Variants in CRB1 observed in about 807,000 individuals in gnomAD.
CRB1 encodes the protein crumbs cell polarity complex component 1, also known as protein crumbs homolog 1.
Under a neutral mutation model 120.0 loss-of-function variants are expected in CRB1, and 83 were observed. The observed-to-expected ratio is 0.69, with a 90% CI of 0.58 to 0.83. The LOEUF is 0.83. CRB1 is among the 40% of genes least tolerant of loss of function. The pLI is 0.00. For missense variants in CRB1, 1,699 were observed against 1,687.6 expected (o/e 1.01, Z -0.12); for synonymous variants, 625 against 612.5 (o/e 1.02, Z -0.30).
At chr1:197,333,046 C>T (rs181387117) in intron 2 of CRB1, among the ~76,000 whole-genome samples, 6 of 152,334 alleles carry the variant, frequency 3.9e-5, no homozygotes, top group Admixed American at 1.3e-4. Context: ...GACCTAGCTG[C>T]TGTGCACCAC....
chr1:197,437,281 CCTT>C (rs1665209337), intron 9 of CRB1, among the ~76,000 whole-genome samples: 1 of 152,076 alleles, frequency 6.6e-6, no homozygotes, highest in Non-Finnish European at 1.5e-5. Flanking sequence ...GTACATCTCT[CCTT>C]AACAGTTACT....
At chr1:197,426,724 G>A (rs1240797196) in intron 6 of CRB1, among the ~76,000 whole-genome samples, 2 of 151,996 alleles carry the variant, frequency 1.3e-5, no homozygotes, top group East Asian at 3.9e-4. Flanking sequence ...CTCCCAACCA[G>A]GACCACAGAA....
chr1:197,397,252 T>C (rs989321356), intron 5 of CRB1, among the ~76,000 whole-genome samples: 1 of 152,108 alleles, frequency 6.6e-6, no homozygotes, highest in Non-Finnish European at 1.5e-5. Flanking sequence ...TTTATATACA[T>C]GTATTAGTGT....
chr1:197,438,525 G>A (rs947149681), intron 9 of CRB1, 22 bp from the exon 10 acceptor site: 1 of 1,610,960 alleles, frequency 6.2e-7, no homozygotes, highest in African/African-American at 1.3e-5. Context: ...AACAGCTGTG[G>A]CTCTTGCTTT....
At chr1:197,246,682 G>A in the CRB1 span, among the ~76,000 whole-genome samples, 5 of 151,968 alleles carry the variant, frequency 3.3e-5, no homozygotes, top group African/African-American at 1.2e-4. Context: ...ATCAAAGGAA[G>A]AATACAATTT....
chr1:197,290,265 CGTGTGTGTGTGTGTGT>C (rs10540136), intron 1 of CRB1, among the ~76,000 whole-genome samples: 1 of 136,898 alleles, frequency 7.3e-6, no homozygotes, highest in African/African-American at 2.8e-5. Context: ...TGTTCCCTTT[CGTGTGTGTGTGTGTGT>C]GTGTGTGTGT....
intron 1 of CRB1, among the ~76,000 whole-genome samples, chr1:197,287,100 G>C (rs1365663445): frequency 6.6e-6 from 1 of 151,760 alleles, no homozygotes; most frequent in East Asian, 1.9e-4. Context: ...CACAGGAGAG[G>C]TAAAATGAGT....
intron 1 of CRB1, among the ~76,000 whole-genome samples, chr1:197,279,283 C>T (rs1301461874): frequency 6.6e-6 from 1 of 151,674 alleles, no homozygotes; most frequent in Non-Finnish European, 1.5e-5. Context: ...TATATCAATG[C>T]CTGAAAATTA....
the CRB1 span, among the ~76,000 whole-genome samples, chr1:197,227,390 T>C: frequency 6.7e-6 from 1 of 149,546 alleles, no homozygotes; most frequent in East Asian, 1.9e-4. Flanking sequence ...TTTTTTTCTT[T>C]TTCTTTTTTT....
At chr1:197,251,208 G>T in the CRB1 span, among the ~76,000 whole-genome samples, 3 of 151,848 alleles carry the variant, frequency 2.0e-5, no homozygotes, top group African/African-American at 7.2e-5. Flanking sequence ...TCTGTATTTT[G>T]GTTTCCTTAC....
chr1:197,384,787 C>T (rs116651820), intron 5 of CRB1, among the ~76,000 whole-genome samples: 2,296 of 152,202 alleles, frequency 0.015, 69 homozygotes, highest in African/African-American at 0.053. Context: ...TGAATGACCA[C>T]ATTTGCATAT....
At chr1:197,220,922 G>A in the CRB1 span, among the ~76,000 whole-genome samples, 15 of 152,162 alleles carry the variant, frequency 9.9e-5, no homozygotes, top group African/African-American at 3.6e-4. Context: ...CTGTGGAACT[G>A]TGAGTCAATT....
upstream of CRB1, among the ~76,000 whole-genome samples, chr1:197,264,640 G>T (rs1654591909): frequency 7.4e-6 from 1 of 134,424 alleles, no homozygotes; most frequent in South Asian, 2.4e-4. Flanking sequence ...TTGAGACAAA[G>T]TCTCACTCTG....
the CRB1 span, among the ~76,000 whole-genome samples, chr1:197,217,258 A>G: frequency 2.6e-5 from 4 of 152,136 alleles, no homozygotes; most frequent in African/African-American, 7.2e-5. Flanking sequence ...TGATGCACCT[A>G]TTTTGGAAAA....
Position 197,369,357 on chromosome 1 carries a change from C to T in CRB1, c.1171+12344C>T, listed in dbSNP as rs191780928. ...GAAACACCCCTCTCCTCCTGCATCCCCTCCCCAACCACCATGACACGCACA... is the reference window on the plus strand; with the variant it reads ...GAAACACCCCTCTCCTCCTGCATCCTCTCCCCAACCACCATGACACGCACA... On this transcript the variant is annotated intron_variant, in intron 5 of 11. Coordinates refer to ENST00000367400, the MANE Select transcript of CRB1 (RefSeq NM_201253.3). Among the ~76,000 whole-genome samples, 275 of 152,148 alleles carry T rather than the reference C, an allele frequency of 1.8e-3. 3 individuals carry two copies. In the East Asian group the frequency reaches 0.02, roughly 11 times the overall value.
intron 5 of CRB1, among the ~76,000 whole-genome samples, chr1:197,400,595 C>T (rs2125431880): frequency 6.6e-6 from 1 of 152,134 alleles, no homozygotes; most frequent in African/African-American, 2.4e-5. Flanking sequence ...ACCTATCCTG[C>T]TTCTTCCTTC....
At chr1:197,328,367 T>A (rs1658640473) in intron 1 of CRB1, 55 bp from the exon 2 acceptor site, 4 of 1,425,132 alleles carry the variant, frequency 2.8e-6, no homozygotes, top group Non-Finnish European at 9.8e-7. Context: ...AAGAAAGATT[T>A]TTAACTTTGT....
At chr1:197,391,105 G>A in intron 5 of CRB1, among the ~76,000 whole-genome samples, 1 of 152,086 alleles carries the variant, frequency 6.6e-6, no homozygotes, top group Non-Finnish European at 1.5e-5. Context: ...AATTCGCTTG[G>A]AGACCAGAAA....
At chr1:197,213,494 A>T in the CRB1 span, among the ~76,000 whole-genome samples, 1 of 152,212 alleles carries the variant, frequency 6.6e-6, no homozygotes. Flanking sequence ...AGGACCTCAA[A>T]AAAGGAAGGG....
Sources: gnomAD v4.1 joint callset for allele counts (sites outside exome capture counted in the v4.1 genomes callset) on GRCh38, gnomAD v4.1.1 for gene constraint, MANE v1.5 for transcripts, NCBI Gene and HGNC (gene_info 2026-07-23, HGNC 2026-07-21) for gene names.